TMEM45A: variants seen among roughly 807,000 people sequenced by gnomAD.
The protein encoded by TMEM45A is DNA polymerase-transactivated protein 4.
In TMEM45A, 25 loss-of-function variants were observed where a neutral mutation model predicts 32.0. The ratio of observed to expected loss-of-function variants is 0.78; its 90% CI spans 0.57 to 1.09. The LOEUF is 1.09. Ranked by LOEUF, TMEM45A falls within the 50% of genes least tolerant of loss-of-function variation. TMEM45A has a pLI of 0.00. For missense variants in TMEM45A, 302 were observed against 325.0 expected (o/e 0.93, Z 0.54); for synonymous variants, 122 against 114.8 (o/e 1.06, Z -0.40).
At chr3:100,553,132 A>G (rs944964627) in intron 1 of TMEM45A, among the ~76,000 whole-genome samples, 11 of 152,204 alleles carry the variant, frequency 7.2e-5, no homozygotes, top group African/African-American at 2.4e-4. Context: ...GGAGTAATTC[A>G]TTTTAAATTT....
intron 1 of TMEM45A, among the ~76,000 whole-genome samples, chr3:100,554,238 G>T (rs889718739): frequency 1.3e-5 from 2 of 151,632 alleles, no homozygotes; most frequent in Admixed American, 1.3e-4. Context: ...AACCAGAAGT[G>T]ACTCCACTAT....
chr3:100,569,422 A>G (rs1446581313), intron 5 of TMEM45A, among the ~76,000 whole-genome samples: 1 of 152,190 alleles, frequency 6.6e-6, no homozygotes, highest in African/African-American at 2.4e-5. Flanking sequence ...ACATTGACTA[A>G]TATTTCTAAA....
intron 1 of TMEM45A, among the ~76,000 whole-genome samples, chr3:100,498,029 G>C (rs1375996302): frequency 6.6e-6 from 1 of 152,218 alleles, no homozygotes; most frequent in African/African-American, 2.4e-5. Context: ...GGTGGGAGGT[G>C]ATTGGATCAT....
intron 1 of TMEM45A, among the ~76,000 whole-genome samples, chr3:100,508,402 A>C (rs1179355492): frequency 4.6e-5 from 7 of 152,134 alleles, no homozygotes; most frequent in Admixed American, 2.0e-4. Flanking sequence ...ATCCCCTTAC[A>C]TCTACTCAGA....
intron 4 of TMEM45A, among the ~76,000 whole-genome samples, chr3:100,564,753 G>T (rs1022308194): frequency 2.0e-5 from 3 of 152,144 alleles, no homozygotes; most frequent in Non-Finnish European, 2.9e-5. Context: ...CAAAGTGCTG[G>T]GATTACAGGC....
Position 100,576,991 on chromosome 3 carries a change from A to C in TMEM45A, c.801A>C (p.Arg267=). The C allele has an allele frequency of 6.2e-7, 1 of 1,613,514 alleles. No individual in the cohort carries two copies. The highest frequency in any genetic ancestry group is 8.5e-7 in the Non-Finnish European group (1 of 1,179,912). Residue 267 remains arginine, a synonymous_variant, in exon 6 of 6, where the codon CGA becomes CGC. Coordinates refer to ENST00000323523, the MANE Select transcript of TMEM45A (RefSeq NM_018004.3). ...TTGGACTTCTGAAAAATGCTGAACG[A>C]GAACAAGAATCAGAAGAAGAAATGT... ...SEVGLLKNAE[R]EQESEEEM
chr3:100,577,349 G>T lies in TMEM45A; in HGVS notation c.*331G>T. 1 of 195,222 alleles carries T rather than the reference G, an allele frequency of 5.1e-6. No individual in the cohort carries two copies. The highest frequency in any genetic ancestry group is 1.0e-5 in the Non-Finnish European group (1 of 97,358). 12.1% of individuals were successfully genotyped at this position (195,222 alleles called of 1,614,324 possible). A position where few individuals can be genotyped will look rare whatever the true frequency, so the allele number is the denominator to read the frequency against. Reference sequence around the variant, plus strand: ...TTATAGATATGCTCAAGGTTACTGGGCTTGCTACTATTTGTAACTCCTTGA... The same window carrying T: ...TTATAGATATGCTCAAGGTTACTGGTCTTGCTACTATTTGTAACTCCTTGA... On this transcript the variant is annotated 3_prime_UTR_variant, in exon 6 of 6. Transcript: ENST00000323523.
At chr3:100,552,540 T>C (rs1163692562) in intron 1 of TMEM45A, among the ~76,000 whole-genome samples, 3 of 152,236 alleles carry the variant, frequency 2.0e-5, no homozygotes, top group Non-Finnish European at 2.9e-5. Flanking sequence ...TCTAGGATGA[T>C]GTTCATATTT....
chr3:100,494,812 G>A (rs1444096940), intron 1 of TMEM45A, among the ~76,000 whole-genome samples: 2 of 152,088 alleles, frequency 1.3e-5, no homozygotes, highest in Non-Finnish European at 2.9e-5. Context: ...CTTACCTAGG[G>A]CAAGTTACTC....
At chr3:100,541,169 G>A (rs1705866042) in intron 1 of TMEM45A, among the ~76,000 whole-genome samples, 1 of 152,110 alleles carries the variant, frequency 6.6e-6, no homozygotes, top group South Asian at 2.1e-4. Flanking sequence ...TTTTTAATGG[G>A]GTTATTTGTT....
At position 100,536,056 on chromosome 3, in the gene TMEM45A, T is replaced by C. The variant is rs541400609; in HGVS notation, c.-3-19153T>C. 3.1e-3 allele frequency among the ~76,000 whole-genome samples: 470 copies of C among 152,276 alleles called. 1 individual carries two copies. The highest frequency in any genetic ancestry group is 5.2e-3 in the Non-Finnish European group (351 of 68,004). On this transcript the variant is annotated intron_variant, in intron 1 of 5. Coordinates refer to ENST00000323523, the MANE Select transcript of TMEM45A (RefSeq NM_018004.3). ...CCCAGGTGACATTTATCAATATCCA[T>C]AGATATTTTTGGTTGTCACATCTAG... is the stretch of plus-strand genomic sequence containing the variant.
At chr3:100,515,249 C>G (rs540824009) in intron 1 of TMEM45A, among the ~76,000 whole-genome samples, 28 of 151,966 alleles carry the variant, frequency 1.8e-4, no homozygotes, top group Non-Finnish European at 3.4e-4. Context: ...CAATGATAGA[C>G]TGGATTAAGA....
At chr3:100,565,650 C>T (rs1706417006) in intron 4 of TMEM45A, among the ~76,000 whole-genome samples, 1 of 152,112 alleles carries the variant, frequency 6.6e-6, no homozygotes, top group African/African-American at 2.4e-5. Context: ...ATAGCCAATA[C>T]ATGGTAGACA....
At chr3:100,518,038 G>T (rs1705334220) in intron 1 of TMEM45A, among the ~76,000 whole-genome samples, 2 of 152,200 alleles carry the variant, frequency 1.3e-5, no homozygotes, top group South Asian at 4.1e-4. Flanking sequence ...GCGTGGTTAT[G>T]GGGTTTAGGA....
chr3:100,527,761 A>C (rs1705573755), intron 1 of TMEM45A, among the ~76,000 whole-genome samples: 1 of 152,204 alleles, frequency 6.6e-6, no homozygotes, highest in Non-Finnish European at 1.5e-5. Context: ...CTAACATTTT[A>C]GACCAAATTT....
At chr3:100,493,689 A>C (rs2148919703) in intron 1 of TMEM45A, among the ~76,000 whole-genome samples, 1 of 152,214 alleles carries the variant, frequency 6.6e-6, no homozygotes, top group Non-Finnish European at 1.5e-5. Context: ...TGTATGCTAT[A>C]TAGTATACTC....
At chr3:100,509,906 C>T (rs1431966838) in intron 1 of TMEM45A, among the ~76,000 whole-genome samples, 1 of 152,212 alleles carries the variant, frequency 6.6e-6, no homozygotes, top group Non-Finnish European at 1.5e-5. Flanking sequence ...CTGCGCTTTT[C>T]CAACGGGCTT....
chr3:100,546,853 C>T (rs1439717214), intron 1 of TMEM45A, among the ~76,000 whole-genome samples: 1 of 152,168 alleles, frequency 6.6e-6, no homozygotes, highest in Non-Finnish European at 1.5e-5. Context: ...CATACAAGGA[C>T]TTTGAAATCC....
chr3:100,536,718 G>A (rs564782906), intron 1 of TMEM45A, among the ~76,000 whole-genome samples: 5 of 152,324 alleles, frequency 3.3e-5, no homozygotes, highest in Admixed American at 1.3e-4. Context: ...GGGCATGACA[G>A]TCTTCCTCAG....
Sources: gnomAD v4.1 joint callset for allele counts (sites outside exome capture counted in the v4.1 genomes callset) on GRCh38, gnomAD v4.1.1 for gene constraint, MANE v1.5 for transcripts, NCBI Gene and HGNC (gene_info 2026-07-23, HGNC 2026-07-21) for gene names.